SLC8A1: variants seen among roughly 807,000 people sequenced by gnomAD.
SLC8A1 encodes the protein sodium/calcium exchanger 1.
SLC8A1 carries 18 observed loss-of-function variants against 68.3 expected under a neutral mutation model. The ratio of observed to expected loss-of-function variants is 0.26; its 90% CI spans 0.18 to 0.39. The LOEUF (loss-of-function observed/expected upper bound fraction) is 0.39, where lower values mean the gene tolerates loss of function less well. SLC8A1 is among the 10% of genes least tolerant of loss of function. The probability of loss-of-function intolerance (pLI) is 1.00; values close to 1 mark genes in which losing one functional copy is unlikely to be tolerated. For missense variants in SLC8A1, 985 were observed against 1,156.7 expected (o/e 0.85, Z 2.15); for synonymous variants, 475 against 415.5 (o/e 1.14, Z -1.74).
At chr2:40,218,877 A>T (rs1360254267) in intron 2 of SLC8A1, among the ~76,000 whole-genome samples, 2 of 152,180 alleles carry the variant, frequency 1.3e-5, no homozygotes, top group Non-Finnish European at 2.9e-5. Flanking sequence ...GGCTAATAGC[A>T]CAGTGCCCTG....
At chr2:40,503,020 G>A (rs1382005566) in intron 1 of SLC8A1, among the ~76,000 whole-genome samples, 1 of 146,658 alleles carries the variant, frequency 6.8e-6, no homozygotes, top group African/African-American at 2.7e-5. Context: ...GGGGCCTTCT[G>A]AAGTACTGAG....
At chr2:40,296,236 C>T (rs1036001105) in intron 2 of SLC8A1, among the ~76,000 whole-genome samples, 1 of 152,064 alleles carries the variant, frequency 6.6e-6, no homozygotes, top group Admixed American at 6.6e-5. Context: ...CTAGAAAGTG[C>T]TTCGGTTACT....
intron 2 of SLC8A1, among the ~76,000 whole-genome samples, chr2:40,322,264 T>C (rs1054675901): frequency 2.6e-5 from 4 of 152,134 alleles, no homozygotes; most frequent in Non-Finnish European, 5.9e-5. Flanking sequence ...TATTAACCTT[T>C]CTTTTTTTCA....
chr2:40,231,259 T>C (rs1044736244), intron 2 of SLC8A1, among the ~76,000 whole-genome samples: 4 of 152,192 alleles, frequency 2.6e-5, no homozygotes, highest in African/African-American at 9.6e-5. Context: ...CTGAAGAGTG[T>C]AATATATGTA....
At chr2:40,453,432 G>A (rs912338109), upstream of SLC8A1, 3 of 152,052 alleles carry the variant, frequency 2.0e-5, no homozygotes, top group African/African-American at 2.4e-5. Context: ...CAGTCACCAC[G>A]ACTGATAGAT....
chr2:40,252,784 A>G (rs2062980084), intron 2 of SLC8A1, among the ~76,000 whole-genome samples: 1 of 142,596 alleles, frequency 7.0e-6, no homozygotes, highest in Admixed American at 6.8e-5. Context: ...GTTAGCACAT[A>G]TATATATGTG....
rs1451212369 is a variant in SLC8A1, at chr2:40,236,621, G to C, written c.1809-58766C>G. Among the ~76,000 whole-genome samples the C allele has an allele frequency of 4.0e-5, 6 of 151,566 alleles. No homozygotes were observed. The East Asian group carries it at 1.2e-3, about 29-fold the overall frequency. On this transcript the variant is annotated intron_variant, in intron 2 of 7. Transcript: ENST00000406785. ...TTACATTTAAAGTTAATATTGTTAT[G>C]TGTGAATTTGATCCTGTCATTATGA...
chr2:40,327,300 C>G (rs2075935685), intron 2 of SLC8A1, among the ~76,000 whole-genome samples: 1 of 152,180 alleles, frequency 6.6e-6, no homozygotes, highest in African/African-American at 2.4e-5. Flanking sequence ...TGTTACAATA[C>G]TGGACCTTTG....
intron 2 of SLC8A1, among the ~76,000 whole-genome samples, chr2:40,182,344 A>G (rs968606889): frequency 2.6e-5 from 4 of 152,192 alleles, no homozygotes; most frequent in Non-Finnish European, 5.9e-5. Flanking sequence ...TCTTTTTTAC[A>G]GCTTTTCAAA....
chr2:40,362,187 G>A (rs755511530), intron 2 of SLC8A1, among the ~76,000 whole-genome samples: 1 of 151,646 alleles, frequency 6.6e-6, no homozygotes, highest in Non-Finnish European at 1.5e-5. Flanking sequence ...GAGCCACTGC[G>A]CCTGGCCTAC....
chr2:40,431,709 A>C (rs1224678508), intron 1 of SLC8A1, among the ~76,000 whole-genome samples: 3 of 152,112 alleles, frequency 2.0e-5, no homozygotes, highest in Non-Finnish European at 1.5e-5. Flanking sequence ...TATGTCCTGG[A>C]AAAAGTTAAA....
At chr2:40,429,768 G>T in exon 2 of SLC8A1, 2 of 1,613,788 alleles carry the variant, frequency 1.2e-6, no homozygotes, top group Non-Finnish European at 1.7e-6. Context: ...CACTTCCCAC[G>T]ATGGTGCTAG....
chr2:40,176,075 A>T (rs915345213), intron 3 of SLC8A1: 2 of 406,818 alleles, frequency 4.9e-6, no homozygotes, highest in African/African-American at 4.2e-5. Flanking sequence ...ATGTGCTTTA[A>T]GCCCAGAATG....
At chr2:40,285,830 A>AT (rs1559096588) in intron 2 of SLC8A1, among the ~76,000 whole-genome samples, 2 of 152,192 alleles carry the variant, frequency 1.3e-5, no homozygotes, top group African/African-American at 4.8e-5. Context: ...GTGCATAAAA[A>AT]ATATATATTA....
chr2:40,505,044 T>G (rs924876771), intron 1 of SLC8A1, among the ~76,000 whole-genome samples: 2 of 151,892 alleles, frequency 1.3e-5, no homozygotes, highest in African/African-American at 4.8e-5. Context: ...TACCTAAGAT[T>G]TGGAAGCTCC....
intron 1 of SLC8A1, among the ~76,000 whole-genome samples, chr2:40,492,901 T>C (rs1249662783): frequency 6.6e-6 from 1 of 151,782 alleles, no homozygotes; most frequent in African/African-American, 2.4e-5. Flanking sequence ...TTGGTGGGAC[T>C]GTAAACTAGT....
Position 40,403,025 on chromosome 2 carries a change from T to C in SLC8A1, c.1808+25448A>G, listed in dbSNP as rs563926448. 2.6e-5 allele frequency among the ~76,000 whole-genome samples: 4 copies of C among 152,268 alleles called. 1 individual carries two copies. In the South Asian group the frequency reaches 8.3e-4, roughly 32 times the overall value. ...ACATTTGTGCCTTCCATAATGACACTTACATACAAATGACACTCAAATGTA... is the reference window on the plus strand; with the variant it reads ...ACATTTGTGCCTTCCATAATGACACCTACATACAAATGACACTCAAATGTA... On this transcript the variant is annotated intron_variant, in intron 2 of 7. Transcript: ENST00000406785.
chr2:40,276,611 T>A (rs578240423), intron 2 of SLC8A1, among the ~76,000 whole-genome samples: 4 of 152,206 alleles, frequency 2.6e-5, no homozygotes, highest in African/African-American at 9.6e-5. Flanking sequence ...GCCAGCAAAG[T>A]AGATGATAGA....
chr2:40,246,587 T>C (rs988505955), intron 2 of SLC8A1, among the ~76,000 whole-genome samples: 1 of 152,200 alleles, frequency 6.6e-6, no homozygotes, highest in Non-Finnish European at 1.5e-5. Flanking sequence ...CTGCACATCT[T>C]GCCTTCAAGG....
Sources: allele counts gnomAD v4.1 joint callset (sites outside exome capture counted in the v4.1 genomes callset), GRCh38; gene constraint gnomAD v4.1.1; transcripts MANE v1.5; gene names NCBI Gene and HGNC (gene_info 2026-07-23, HGNC 2026-07-21).